ABHD17B: variants seen among roughly 807,000 people sequenced by gnomAD.
ABHD17B encodes the protein abhydrolase domain containing 17B, depalmitoylase, also known as alpha/beta hydrolase domain-containing protein 17B.
Under a neutral mutation model 26.2 loss-of-function variants are expected in ABHD17B, and 9 were observed. That is an observed-to-expected ratio of 0.34 (90% confidence interval 0.21 to 0.60). The LOEUF (loss-of-function observed/expected upper bound fraction) is 0.60. Among genes scored for constraint, ABHD17B ranks in the 20% least tolerant of loss-of-function variants. The pLI is 0.80. For synonymous variants in ABHD17B, 127 were observed against 122.3 expected, an observed-to-expected ratio of 1.04 and a Z score of -0.25; for missense variants, 224 against 352.1, an observed-to-expected ratio of 0.64 and a Z score of 2.91.
chr9:71,889,527 G>A (rs1826716627), intron 1 of ABHD17B, among the ~76,000 whole-genome samples: 1 of 152,098 alleles, frequency 6.6e-6, no homozygotes, highest in Non-Finnish European at 1.5e-5. Context: ...GACTGATATG[G>A]CAAATTACAC....
intron 2 of ABHD17B, among the ~76,000 whole-genome samples, chr9:71,873,898 T>C (rs977120738): frequency 6.6e-6 from 1 of 152,200 alleles, no homozygotes; most frequent in African/African-American, 2.4e-5. Flanking sequence ...TAAAGTAAAA[T>C]CTCAGTTTTA....
At chr9:71,897,084 A>G (rs1345712553) in intron 1 of ABHD17B, among the ~76,000 whole-genome samples, 1 of 152,234 alleles carries the variant, frequency 6.6e-6, no homozygotes, top group Non-Finnish European at 1.5e-5. Flanking sequence ...ATGGCTAATA[A>G]ATCAATCTGT....
At position 71,875,863 on chromosome 9, in the gene ABHD17B, T is replaced by C. The variant is rs548031937; in HGVS notation, c.-3-780A>G. Among the ~76,000 whole-genome samples, 5 of 152,326 alleles carry C rather than the reference T, an allele frequency of 3.3e-5. No homozygotes were observed. The East Asian group carries it at 7.7e-4, about 24-fold the overall frequency. ...GTGCCAAGTGCTCTATGTGTGTTAC[T>C]TGGTTTAATTCTCAGAACAACTGTG... On this transcript the variant is annotated intron_variant, in intron 1 of 3. Transcript: ENST00000333421.
intron 1 of ABHD17B, among the ~76,000 whole-genome samples, chr9:71,906,815 C>G (rs79535278): frequency 6.9e-3 from 27 of 3,924 alleles, no homozygotes; most frequent in Non-Finnish European, 1.9e-3. Context: ...AACAAACAAA[C>G]AAACAAAAAA....
chr9:71,867,815 A>T (rs1825998707), intron 3 of ABHD17B, among the ~76,000 whole-genome samples: 1 of 152,158 alleles, frequency 6.6e-6, no homozygotes, highest in South Asian at 2.1e-4. Flanking sequence ...CAATGGAAAC[A>T]TATACATTTA....
chr9:71,883,964 A>G (rs1376760024), intron 1 of ABHD17B, among the ~76,000 whole-genome samples: 3 of 152,030 alleles, frequency 2.0e-5, no homozygotes, highest in Non-Finnish European at 2.9e-5. Flanking sequence ...GAAAAGATAA[A>G]TGTCCTTTTT....
chr9:71,910,092 C>T (rs920175523), intron 1 of ABHD17B, among the ~76,000 whole-genome samples: 1 of 151,936 alleles, frequency 6.6e-6, no homozygotes, highest in African/African-American at 2.4e-5. Context: ...AAAAAGAACC[C>T]TACGACAGCC....
chr9:71,902,027 T>C (rs1827158591), intron 1 of ABHD17B, among the ~76,000 whole-genome samples: 1 of 152,216 alleles, frequency 6.6e-6, no homozygotes. Context: ...TTTAACAGGC[T>C]GTTCCTCGCT....
chr9:71,901,227 GTTTTTTTTGTT>G (rs1564073855), intron 1 of ABHD17B, among the ~76,000 whole-genome samples: 1 of 151,376 alleles, frequency 6.6e-6, no homozygotes, highest in African/African-American at 2.4e-5. Flanking sequence ...TACCTGAGTT[GTTTTTTTTGTT>G]TGTTTTTTGT....
chr9:71,910,384 C>G (rs938334728), intron 1 of ABHD17B, among the ~76,000 whole-genome samples: 1 of 152,162 alleles, frequency 6.6e-6, no homozygotes, highest in Non-Finnish European at 1.5e-5. Flanking sequence ...CCACGGACCG[C>G]AGGGACTGTC....
chr9:71,886,589 G>A (rs925434179), intron 1 of ABHD17B, among the ~76,000 whole-genome samples: 59 of 152,210 alleles, frequency 3.9e-4, no homozygotes, highest in African/African-American at 1.3e-3. Context: ...ACGTGATCTC[G>A]GCTCACTGCA....
chr9:71,889,118 C>T (rs1826700762), intron 1 of ABHD17B, among the ~76,000 whole-genome samples: 1 of 151,294 alleles, frequency 6.6e-6, no homozygotes, highest in African/African-American at 2.4e-5. Context: ...AGTTCGAGAC[C>T]AGCCCGGCCA....
chr9:71,904,919 A>G (rs1827241497), intron 1 of ABHD17B, among the ~76,000 whole-genome samples: 1 of 152,198 alleles, frequency 6.6e-6, no homozygotes, highest in Non-Finnish European at 1.5e-5. Context: ...ATCCATGAGC[A>G]CCTCATTATA....
At chr9:71,886,421 C>CA (rs5898239) in intron 1 of ABHD17B, among the ~76,000 whole-genome samples, 61 of 126,882 alleles carry the variant, frequency 4.8e-4, no homozygotes, top group Admixed American at 1.3e-3. Context: ...GACCCTGTCT[C>CA]AAAAAAAAAA....
At chr9:71,876,174 G>A (rs1453632560) in intron 1 of ABHD17B, among the ~76,000 whole-genome samples, 2 of 152,146 alleles carry the variant, frequency 1.3e-5, no homozygotes, top group African/African-American at 2.4e-5. Context: ...TCTACTAAAG[G>A]TAAACTTTTC....
chr9:71,866,401 T>C lies in ABHD17B; in HGVS notation c.*386A>G. 2.0e-6 allele frequency: 2 copies of C among 984,630 alleles called. No individual in the cohort carries two copies. Among genetic ancestry groups the C allele is most frequent in the Non-Finnish European group, 2.4e-6 (2 of 821,032 alleles). The allele number at this position is 984,630 out of a possible 1,614,324, so 61.0% of individuals were successfully genotyped here. Reference sequence around the variant, plus strand: ...AGATACATAGCTTTTTTCAAAATATTACAGTTGTATTCCAGGATAAGATTT... The same window carrying C: ...AGATACATAGCTTTTTTCAAAATATCACAGTTGTATTCCAGGATAAGATTT... On this transcript the variant is annotated 3_prime_UTR_variant, in exon 4 of 4. Transcript: ENST00000333421.
chr9:71,908,724 T>C (rs1414531536), intron 1 of ABHD17B, among the ~76,000 whole-genome samples: 1 of 152,226 alleles, frequency 6.6e-6, no homozygotes, highest in Non-Finnish European at 1.5e-5. Flanking sequence ...GTTCATCAAA[T>C]GATTGAAATT....
At chr9:71,908,161 C>T (rs375426024) in intron 1 of ABHD17B, among the ~76,000 whole-genome samples, 1 of 152,030 alleles carries the variant, frequency 6.6e-6, no homozygotes, top group South Asian at 2.1e-4. Context: ...GAGGCCAAGG[C>T]GGGTGGATCA....
In ABHD17B at chr9:71,910,803, C is replaced by A. The variant is rs1253340439; in HGVS notation, c.-173G>T. ...CGGGGACCAGGGCTACAGCCCCCGG[C>A]GCCGGGGCGAAGAAGGACGGCGGCG... is the stretch of plus-strand genomic sequence containing the variant. On this transcript the variant is annotated 5_prime_UTR_variant, in exon 1 of 4. Transcript: ENST00000333421. The A allele has an allele frequency of 6.6e-6, 1 of 151,850 alleles. No homozygotes were observed. The highest frequency in any genetic ancestry group is 1.5e-5 in the Non-Finnish European group (1 of 67,926). 9.4% of individuals were successfully genotyped at this position (151,850 alleles called of 1,614,324 possible).
Sources: gnomAD v4.1 joint callset for allele counts (sites outside exome capture counted in the v4.1 genomes callset) on GRCh38, gnomAD v4.1.1 for gene constraint, MANE v1.5 for transcripts, NCBI Gene and HGNC (gene_info 2026-07-23, HGNC 2026-07-21) for gene names.